Variants in YEATS2 observed in about 807,000 individuals in gnomAD.
The protein encoded by YEATS2 is YEATS domain-containing protein 2.
A neutral mutation model predicts 163.2 loss-of-function variants in YEATS2; 77 were observed. The ratio of observed to expected loss-of-function variants is 0.47; its 90% CI spans 0.39 to 0.57. The LOEUF (loss-of-function observed/expected upper bound fraction) is 0.57, where lower values mean the gene tolerates loss of function less well. YEATS2 is among the 20% of genes least tolerant of loss of function. YEATS2 has a pLI of 0.00. For missense variants in YEATS2, 1,549 were observed against 1,729.8 expected (o/e 0.90, Z 1.85); for synonymous variants, 631 against 645.1 (o/e 0.98, Z 0.33).
intron 9 of YEATS2, 53 bp downstream of exon 9, chr3:183,747,769 CT>C: frequency 6.4e-7 from 1 of 1,552,232 alleles, no homozygotes; most frequent in Non-Finnish European, 8.9e-7. Flanking sequence ...GAAAATTGAT[CT>C]TCATTTTTTG....
intron 5 of YEATS2, among the ~76,000 whole-genome samples, chr3:183,723,815 G>T (rs149068894): frequency 1.4e-4 from 21 of 152,166 alleles, no homozygotes; most frequent in Admixed American, 9.8e-4. Context: ...GAGAGGCTGA[G>T]GCAGGAGAAT....
chr3:183,790,861 A>G lies in YEATS2; in HGVS notation c.2978A>G (p.Gln993Arg), dbSNP rs1724555958. ...VSSVTKTSGQ[Q>R]QVCVSQATVG... ...TCTGTAACGAAAACTTCTGGGCAGCAGCAAGTGTGTGTGAGCCAGGCCACC... is the reference window on the plus strand; with the variant it reads ...TCTGTAACGAAAACTTCTGGGCAGCGGCAAGTGTGTGTGAGCCAGGCCACC... The change falls in exon 21 of 31, where the codon CAG becomes CGG. Residue 993 changes from glutamine (Q) to arginine (R), a missense_variant. Transcript: ENST00000305135. The G allele has an allele frequency of 6.2e-7, 1 of 1,614,056 alleles. No individual in the cohort carries two copies. Among genetic ancestry groups the G allele is most frequent in the Non-Finnish European group, 8.5e-7 (1 of 1,180,044 alleles).
rs1179469497 is a variant in YEATS2, at chr3:183,808,111, G to T, written c.4086+7G>T. 12 of 1,549,932 alleles carry T rather than the reference G, an allele frequency of 7.7e-6. No individual in the cohort carries two copies. The highest frequency in any genetic ancestry group is 6.0e-5 in the South Asian group (5 of 83,896). On this transcript the variant is annotated splice_region_variant and intron_variant, in intron 29 of 30. Coordinates refer to ENST00000305135, the MANE Select transcript of YEATS2 (RefSeq NM_018023.5). The stretch of plus-strand genomic sequence containing the variant: ...GGAGGACATGATCCTGAAGGTGGGT[G>T]CCTGCAGGGGCCGCCAGCCAGGAAG...
intron 7 of YEATS2, among the ~76,000 whole-genome samples, chr3:183,735,851 TG>T (rs1184580040): frequency 6.6e-6 from 1 of 152,198 alleles, no homozygotes; most frequent in Non-Finnish European, 1.5e-5. Context: ...CCAGCCTCCT[TG>T]TAATTTTGAT....
chr3:183,761,466 C>CGGGT (rs750552764), intron 13 of YEATS2, 41 bp from the exon 14 acceptor site: 30 of 1,514,176 alleles, frequency 2.0e-5, no homozygotes, highest in Non-Finnish European at 2.7e-5. Context: ...TGAAATCACC[C>CGGGT]ATTTCTCCTG....
intron 15 of YEATS2, among the ~76,000 whole-genome samples, chr3:183,771,542 C>CTTTT (rs1722462151): frequency 0.026 from 1,560 of 60,714 alleles, 65 homozygotes; most frequent in African/African-American, 0.048. Flanking sequence ...ATTATTCTTG[C>CTTTT]CTTTTTTTTT....
intron 1 of YEATS2, among the ~76,000 whole-genome samples, chr3:183,698,801 A>G (rs905039972): frequency 6.6e-6 from 1 of 152,170 alleles, no homozygotes; most frequent in African/African-American, 2.4e-5. Context: ...ATTCAGCAAT[A>G]TCATTTCCCC....
chr3:183,711,252 C>T (rs9840029), intron 1 of YEATS2, among the ~76,000 whole-genome samples: 65,573 of 151,546 alleles, frequency 0.43, 15,385 homozygotes, highest in African/African-American at 0.62. Context: ...GGGCGGATCA[C>T]GAGGTCAGGA....
At chr3:183,702,370 G>A (rs1400295532) in intron 1 of YEATS2, among the ~76,000 whole-genome samples, 2 of 152,084 alleles carry the variant, frequency 1.3e-5, no homozygotes, top group East Asian at 1.9e-4. Flanking sequence ...ACTTGAACAC[G>A]GGAGGCAGAG....
rs573583437 is a variant in YEATS2, at chr3:183,775,492, G to A, written c.2369-423G>A. ...CGCCTGTAGTCCCAGCTCCTTGGGA[G>A]GCTGAGGCAGGAGAATCGCTTGAAC... is the stretch of plus-strand genomic sequence containing the variant. On this transcript the variant is annotated intron_variant, in intron 17 of 30. Transcript: ENST00000305135. Among the ~76,000 whole-genome samples the A allele has an allele frequency of 5.4e-4, 83 of 152,324 alleles. 1 individual carries two copies. The highest frequency in any genetic ancestry group is 8.5e-4 in the Admixed American group (13 of 15,304).
chr3:183,774,114 A>C (rs1183013120), intron 17 of YEATS2, among the ~76,000 whole-genome samples: 1 of 152,208 alleles, frequency 6.6e-6, no homozygotes, highest in Non-Finnish European at 1.5e-5. Context: ...GGGAAGATCC[A>C]TCTACTTATA....
intron 27 of YEATS2, 145 bp from the exon 28 acceptor site, chr3:183,806,721 A>C: frequency 4.0e-6 from 3 of 744,056 alleles, no homozygotes; most frequent in Admixed American, 2.8e-5. Context: ...TCTCATCATT[A>C]TAGATCCATA....
At chr3:183,709,310 C>T (rs1050791730) in intron 1 of YEATS2, among the ~76,000 whole-genome samples, 2 of 152,038 alleles carry the variant, frequency 1.3e-5, no homozygotes, top group Non-Finnish European at 2.9e-5. Context: ...TGGAAAAAAT[C>T]ATTTATTTTC....
At chr3:183,793,012 T>C in intron 21 of YEATS2, 1 of 696,126 alleles carries the variant, frequency 1.4e-6, no homozygotes, top group South Asian at 1.9e-5. Flanking sequence ...TGTTTTTGTT[T>C]TTCTATAATC....
chr3:183,789,715 T>TG (rs1724421872), intron 20 of YEATS2, among the ~76,000 whole-genome samples: 1 of 150,330 alleles, frequency 6.7e-6, no homozygotes, highest in South Asian at 2.1e-4. Flanking sequence ...TTTTTTTTTT[T>TG]GTATTAGTAG....
intron 10 of YEATS2, 116 bp from the exon 11 acceptor site, chr3:183,754,010 C>A: frequency 8.0e-7 from 1 of 1,253,380 alleles, no homozygotes; most frequent in Non-Finnish European, 1.1e-6. Flanking sequence ...ATTTTGCTAC[C>A]AGTACATGGT....
At chr3:183,779,664 T>C (rs941346342) in intron 19 of YEATS2, among the ~76,000 whole-genome samples, 6 of 152,122 alleles carry the variant, frequency 3.9e-5, no homozygotes, top group Non-Finnish European at 8.8e-5. Flanking sequence ...GATTTTAACT[T>C]GACAGAGAAA....
intron 4 of YEATS2, among the ~76,000 whole-genome samples, chr3:183,720,268 C>G (rs1716356610): frequency 6.6e-6 from 1 of 152,174 alleles, no homozygotes; most frequent in Admixed American, 6.5e-5. Flanking sequence ...AATATCTGCT[C>G]TTTTATCCTA....
chr3:183,700,789 AAAAG>A (rs1194614381), intron 1 of YEATS2, among the ~76,000 whole-genome samples: 3 of 150,034 alleles, frequency 2.0e-5, no homozygotes, highest in Non-Finnish European at 3.0e-5. Flanking sequence ...AAAAAAAAAA[AAAAG>A]GCAGATACAA....
Sources: gnomAD v4.1 joint callset for allele counts (sites outside exome capture counted in the v4.1 genomes callset) on GRCh38, gnomAD v4.1.1 for gene constraint, MANE v1.5 for transcripts, NCBI Gene and HGNC (gene_info 2026-07-23, HGNC 2026-07-21) for gene names.